Variants in NXPE4 observed in about 807,000 individuals in gnomAD.
The protein encoded by NXPE4 is neurexophilin and PC-esterase domain family member 4, also known as NXPE family member 4.
A neutral mutation model predicts 33.3 loss-of-function variants in NXPE4; 42 were observed. That is an observed-to-expected ratio of 1.26 (90% CI 0.98 to 1.63). The LOEUF (loss-of-function observed/expected upper bound fraction) is 1.63, where lower values mean the gene tolerates loss of function less well. NXPE4 is among the 40% of genes most tolerant of loss of function. The pLI is 0.00. For synonymous variants in NXPE4, 253 were observed against 234.9 expected, an observed-to-expected ratio of 1.08 and a Z score of -0.71; for missense variants, 709 against 647.6, an observed-to-expected ratio of 1.09 and a Z score of -1.03.
chr11:114,601,250 C>G, the NXPE4 span, among the ~76,000 whole-genome samples: 2 of 150,468 alleles, frequency 1.3e-5, no homozygotes, highest in Non-Finnish European at 3.0e-5. Context: ...TTCCCATGCT[C>G]CCTCTTTCTG....
At chr11:114,676,760 T>C in the NXPE4 span, among the ~76,000 whole-genome samples, 2 of 152,078 alleles carry the variant, frequency 1.3e-5, no homozygotes, top group Admixed American at 6.6e-5. Flanking sequence ...AATGGGTATA[T>C]ATCCAAAGGA....
chr11:114,627,826 T>C, the NXPE4 span, among the ~76,000 whole-genome samples: 27 of 151,192 alleles, frequency 1.8e-4, no homozygotes, highest in African/African-American at 6.3e-4. Flanking sequence ...TGGAGGAAGA[T>C]CTACCAAGCA....
the NXPE4 span, among the ~76,000 whole-genome samples, chr11:114,640,171 T>TAAAA: frequency 2.3e-5 from 3 of 131,108 alleles, no homozygotes; most frequent in African/African-American, 8.6e-5. Context: ...TATATATAAA[T>TAAAA]AATTTATATA....
the NXPE4 span, among the ~76,000 whole-genome samples, chr11:114,620,628 G>A: frequency 6.6e-6 from 1 of 151,948 alleles, no homozygotes; most frequent in Non-Finnish European, 1.5e-5. Context: ...AATAAGTGTT[G>A]CCTCTAGAGT....
the NXPE4 span, among the ~76,000 whole-genome samples, chr11:114,626,232 CA>C: frequency 1.3e-5 from 2 of 152,188 alleles, no homozygotes; most frequent in Non-Finnish European, 2.9e-5. Flanking sequence ...AGGGCACAGA[CA>C]AACAAAAAGA....
At chr11:114,615,313 T>A in the NXPE4 span, among the ~76,000 whole-genome samples, 6 of 151,932 alleles carry the variant, frequency 3.9e-5, no homozygotes, top group Non-Finnish European at 5.9e-5. Flanking sequence ...TATTGCCTTG[T>A]GGGTAACCAC....
chr11:114,647,872 T>C, the NXPE4 span, among the ~76,000 whole-genome samples: 1 of 152,042 alleles, frequency 6.6e-6, no homozygotes. Context: ...TGGCTAAGTT[T>C]TGTAATTTTA....
intron 2 of NXPE4, among the ~76,000 whole-genome samples, chr11:114,592,884 A>T (rs1405434743): frequency 6.6e-6 from 1 of 152,194 alleles, no homozygotes; most frequent in Non-Finnish European, 1.5e-5. Context: ...ATTTACAGCC[A>T]TCTGGATTTT....
the NXPE4 span, among the ~76,000 whole-genome samples, chr11:114,669,516 ACT>A: frequency 6.6e-6 from 1 of 151,826 alleles, no homozygotes; most frequent in Non-Finnish European, 1.5e-5. Flanking sequence ...GAAGTCCTGG[ACT>A]CTCTTTCTCT....
At chr11:114,627,957 C>T in the NXPE4 span, among the ~76,000 whole-genome samples, 1 of 152,042 alleles carries the variant, frequency 6.6e-6, no homozygotes, top group Non-Finnish European at 1.5e-5. Context: ...ATCAACTCAA[C>T]AAGAAGAGCT....
chr11:114,632,734 T>A, the NXPE4 span, among the ~76,000 whole-genome samples: 2 of 55,970 alleles, frequency 3.6e-5, no homozygotes, highest in Non-Finnish European at 6.2e-5. Flanking sequence ...ATATATAATA[T>A]ATATAAAATA....
rs75467390 is a variant in NXPE4, at chr11:114,570,658, T to C, written c.*280A>G. On this transcript the variant is annotated 3_prime_UTR_variant, in exon 6 of 6. Coordinates refer to ENST00000375478, the MANE Select transcript of NXPE4 (RefSeq NM_001077639.2). ...GAGTTTTCATGCATCAGAGAGAACT[T>C]TTACCCATAGGTGTCTTGACTTCCC... 9.7e-3 allele frequency: 2,331 copies of C among 240,998 alleles called. 52 individuals are homozygous for C. The highest frequency in any genetic ancestry group is 0.049 in the African/African-American group (2,182 of 44,500). 14.9% of individuals were successfully genotyped at this position (240,998 alleles called of 1,614,324 possible).
chr11:114,586,683 G>A (rs2135258300), intron 2 of NXPE4, among the ~76,000 whole-genome samples: 1 of 152,300 alleles, frequency 6.6e-6, no homozygotes, highest in South Asian at 2.1e-4. Context: ...AGACACCCTG[G>A]TGTTACCTGA....
At chr11:114,633,282 T>C in the NXPE4 span, among the ~76,000 whole-genome samples, 1 of 138,944 alleles carries the variant, frequency 7.2e-6, no homozygotes, top group South Asian at 2.2e-4. Context: ...TATTATGTTA[T>C]ATTATAAAAT....
At chr11:114,575,411 G>C (rs918499526) in intron 5 of NXPE4, among the ~76,000 whole-genome samples, 1 of 151,920 alleles carries the variant, frequency 6.6e-6, no homozygotes, top group Non-Finnish European at 1.5e-5. Context: ...TGTTGCTGTG[G>C]CTCATGATAT....
the NXPE4 span, among the ~76,000 whole-genome samples, chr11:114,615,235 A>T: frequency 6.6e-6 from 1 of 152,020 alleles, no homozygotes; most frequent in African/African-American, 2.4e-5. Flanking sequence ...CTCTTGGGTA[A>T]CCACTGTTAC....
chr11:114,584,708 C>G (rs1269720178), intron 2 of NXPE4: 1 of 153,132 alleles, frequency 6.5e-6, no homozygotes, highest in African/African-American at 2.4e-5. Flanking sequence ...GGGAACCTCC[C>G]CTGCTCTGGC....
chr11:114,632,548 A>G, the NXPE4 span, among the ~76,000 whole-genome samples: 2 of 118,030 alleles, frequency 1.7e-5, no homozygotes, highest in South Asian at 4.7e-4. Flanking sequence ...TTATATATGT[A>G]TATATTTGTT....
At chr11:114,622,982 A>C in the NXPE4 span, among the ~76,000 whole-genome samples, 1 of 150,780 alleles carries the variant, frequency 6.6e-6, no homozygotes, top group East Asian at 2.0e-4. Context: ...GCCTCGTAGG[A>C]AACCACGGTT....
Sources: allele counts gnomAD v4.1 joint callset (sites outside exome capture counted in the v4.1 genomes callset), GRCh38; gene constraint gnomAD v4.1.1; transcripts MANE v1.5; gene names NCBI Gene and HGNC (gene_info 2026-07-23, HGNC 2026-07-21).